Variants in SSUH2 observed in about 807,000 individuals in gnomAD.
SSUH2 encodes the protein ssu-2 homolog, also known as protein SSUH2 homolog.
In SSUH2, 47 loss-of-function variants were observed where a neutral mutation model predicts 55.3. The ratio of observed to expected loss-of-function variants is 0.85; its 90% confidence interval spans 0.67 to 1.08. The LOEUF (loss-of-function observed/expected upper bound fraction) is 1.08, where lower values mean the gene tolerates loss of function less well. Among genes scored for constraint, SSUH2 ranks in the 50% least tolerant of loss-of-function variants. SSUH2 has a pLI of 0.00. For missense variants in SSUH2, 535 were observed against 490.7 expected (o/e 1.09, Z -0.85); for synonymous variants, 212 against 191.5 (o/e 1.11, Z -0.89).
intron 3 of SSUH2, among the ~76,000 whole-genome samples, chr3:8,673,631 C>T (rs917179422): frequency 1.3e-5 from 2 of 152,172 alleles, no homozygotes. Context: ...TCCTCTTTAA[C>T]AGAGATGAAA....
At chr3:8,640,064 CA>C in intron 1 of SSUH2, 1 of 924,152 alleles carries the variant, frequency 1.1e-6, no homozygotes, top group Non-Finnish European at 1.3e-6. Flanking sequence ...TGATGGTTGA[CA>C]GGGGCTGTGG....
chr3:8,678,901 C>A lies in SSUH2; in HGVS notation c.-901+804G>T, dbSNP rs1705683657. On this transcript the variant is annotated intron_variant, in intron 2 of 18. Coordinates refer to the SSUH2 transcript ENST00000317371. ...GGATCCCCATTGCAAGGGAGGGAGGCACCCCCCGCCAGGCGGGGACTGAGA... is the reference window on the plus strand; with the variant it reads ...GGATCCCCATTGCAAGGGAGGGAGGAACCCCCCGCCAGGCGGGGACTGAGA... Among the ~76,000 whole-genome samples the A allele has an allele frequency of 1.7e-5, 2 of 115,180 alleles. 1 individual carries two copies. Among genetic ancestry groups the A allele is most frequent in the Admixed American group, 1.7e-4 (2 of 11,642 alleles). 75.6% of individuals were successfully genotyped at this position (115,180 alleles called of 152,430 possible).
At chr3:8,621,143 C>T (rs1696350322) in intron 11 of SSUH2, among the ~76,000 whole-genome samples, 2 of 152,222 alleles carry the variant, frequency 1.3e-5, no homozygotes, top group South Asian at 4.1e-4. Flanking sequence ...TTCTTGTGGA[C>T]TTCCTGTGGG....
intron 3 of SSUH2, among the ~76,000 whole-genome samples, chr3:8,676,197 C>G (rs1204672944): frequency 1.3e-5 from 2 of 151,992 alleles, no homozygotes; most frequent in African/African-American, 4.8e-5. Context: ...AACTGTTTCA[C>G]AGACGGGTGT....
chr3:8,676,417 C>T (rs776260143), intron 3 of SSUH2, among the ~76,000 whole-genome samples: 58 of 151,358 alleles, frequency 3.8e-4, no homozygotes, highest in Admixed American at 3.9e-4. Flanking sequence ...TCATCTTCTT[C>T]CCTCCAGGAT....
At chr3:8,659,545 C>A in intron 6 of SSUH2, 1 of 304,802 alleles carries the variant, frequency 3.3e-6, no homozygotes, top group South Asian at 3.0e-5. Context: ...GGGGGCCTTT[C>A]AGAGTTAGAG....
At chr3:8,665,266 AAC>A (rs1028598540) in intron 5 of SSUH2, among the ~76,000 whole-genome samples, 5 of 152,206 alleles carry the variant, frequency 3.3e-5, no homozygotes, top group Non-Finnish European at 7.3e-5. Flanking sequence ...TAAAGAAGAA[AAC>A]AGGGTAGAAG....
intron 1 of SSUH2, among the ~76,000 whole-genome samples, chr3:8,637,588 C>T (rs1700128926): frequency 6.6e-6 from 1 of 152,314 alleles, no homozygotes; most frequent in South Asian, 2.1e-4. Flanking sequence ...GACAGAGGTC[C>T]CAGAGGCCTC....
intron 5 of SSUH2, 76 bp from the exon 6 acceptor site, chr3:8,631,005 T>C (rs1559341015): frequency 8.4e-6 from 11 of 1,310,012 alleles, no homozygotes; most frequent in Non-Finnish European, 1.1e-5. Context: ...GCAAACAGCA[T>C]GAAGCCTTCA....
At chr3:8,675,825 C>A (rs1407372220) in intron 3 of SSUH2, among the ~76,000 whole-genome samples, 2 of 152,104 alleles carry the variant, frequency 1.3e-5, no homozygotes, top group African/African-American at 4.8e-5. Context: ...GCAGCCCCAG[C>A]CCTGGGGCTA....
intron 11 of SSUH2, among the ~76,000 whole-genome samples, chr3:8,620,283 G>A (rs533962237): frequency 2.6e-5 from 4 of 152,240 alleles, no homozygotes; most frequent in South Asian, 2.1e-4. Flanking sequence ...TAAGTCTCAC[G>A]AGATCTGATG....
At position 8,635,009 on chromosome 3, in the gene SSUH2, C is replaced by CA. The variant is rs1369880943; in HGVS notation, c.209+290dup. 2.0e-5 allele frequency among the ~76,000 whole-genome samples: 3 copies of CA among 152,328 alleles called. No homozygotes were observed. In the East Asian group the frequency reaches 5.8e-4, roughly 29 times the overall value. On this transcript the variant is annotated intron_variant, in intron 3 of 11. Transcript: ENST00000544814. ...CAGCCAATTGAGTGTAACTGTGTTC[C>CA]AATAAAACTTTACTCCAGAAATGTG... is the stretch of plus-strand genomic sequence containing the variant.
At chr3:8,636,587 C>T (rs1013110473) in intron 1 of SSUH2, among the ~76,000 whole-genome samples, 2 of 152,104 alleles carry the variant, frequency 1.3e-5, no homozygotes, top group Non-Finnish European at 2.9e-5. Flanking sequence ...CAGCTTCCTC[C>T]AGTGGACAAT....
intron 6 of SSUH2, among the ~76,000 whole-genome samples, chr3:8,661,418 G>A (rs1703474652): frequency 6.6e-6 from 1 of 152,182 alleles, no homozygotes; most frequent in Non-Finnish European, 1.5e-5. Context: ...CAATTTAAGA[G>A]TGGATGCTAT....
intron 3 of SSUH2, among the ~76,000 whole-genome samples, chr3:8,676,600 C>T (rs201930855): frequency 6.6e-6 from 1 of 150,966 alleles, no homozygotes; most frequent in Non-Finnish European, 1.5e-5. Context: ...AATATCACAG[C>T]GTGGGTGTAC....
intron 7 of SSUH2, among the ~76,000 whole-genome samples, chr3:8,652,712 T>TATGTATAC (rs1431013450): frequency 3.3e-5 from 5 of 152,164 alleles, no homozygotes; most frequent in Admixed American, 6.5e-5. Flanking sequence ...TGTATACAGT[T>TATGTATAC]TCCCCCATTT....
chr3:8,650,511 A>G (rs1350631011), intron 7 of SSUH2, among the ~76,000 whole-genome samples: 1 of 152,218 alleles, frequency 6.6e-6, no homozygotes, highest in East Asian at 1.9e-4. Context: ...GTTTTCTCCA[A>G]AGATAAGCTT....
upstream of SSUH2, chr3:8,644,894 T>A: frequency 1.3e-6 from 1 of 748,580 alleles, no homozygotes. Flanking sequence ...AAGGGAAACA[T>A]CTATATCGTT....
intron 7 of SSUH2, among the ~76,000 whole-genome samples, chr3:8,657,531 G>A (rs1192300730): frequency 2.0e-5 from 3 of 152,162 alleles, no homozygotes; most frequent in African/African-American, 4.8e-5. Context: ...TACGACAGGA[G>A]GTCAGATGAG....
Sources: allele counts gnomAD v4.1 joint callset (sites outside exome capture counted in the v4.1 genomes callset), GRCh38; gene constraint gnomAD v4.1.1; transcripts MANE v1.5; gene names NCBI Gene and HGNC (gene_info 2026-07-23, HGNC 2026-07-21).